Variants in PIN4 observed in about 807,000 individuals in gnomAD.
The protein encoded by PIN4 is peptidyl-prolyl cis-trans isomerase NIMA-interacting 4.
Under a neutral mutation model 8.3 loss-of-function variants are expected in PIN4, and 3 were observed. The observed-to-expected ratio is 0.36, with a 90% CI of 0.16 to 0.93. The LOEUF (loss-of-function observed/expected upper bound fraction) is 0.93, where lower values mean the gene tolerates loss of function less well. PIN4 is among the 40% of genes least tolerant of loss of function. The pLI is 0.44. For synonymous variants in PIN4, 18 were observed against 32.5 expected (o/e 0.55, Z 1.52); for missense variants, 75 against 100.6 (o/e 0.75, Z 1.09).
chrX:72,204,902 A>G (rs1229643270), intron 3 of PIN4: 2 of 674,051 alleles, frequency 3.0e-6, no homozygotes, highest in East Asian at 7.3e-5. Flanking sequence ...GCTTTTTGAG[A>G]TCTTTCTTGC....
rs142555019 is a variant in PIN4, at chrX:72,228,855, C to T, written c.312+31951C>T. 3.6e-3 allele frequency among the ~76,000 whole-genome samples: 401 copies of T among 111,320 alleles called. 2 individuals are homozygous for T. The highest frequency in any genetic ancestry group is 0.013 in the African/African-American group (383 of 30,592). ...AAACCTTACACAATCCCTCTTGCTG[C>T]GAACTAACTCTTCCTTTGCTCCTGA... On this transcript the variant is annotated intron_variant, in intron 3 of 3. Transcript: ENST00000423432.
chrX:72,245,026 C>G (rs770268956), intron 3 of PIN4, among the ~76,000 whole-genome samples: 1 of 77,584 alleles, frequency 1.3e-5, no homozygotes, highest in East Asian at 5.1e-4. Flanking sequence ...TAAGCAGAGT[C>G]ACACCACTGT....
At chrX:72,224,409 A>C (rs895994133) in intron 3 of PIN4, among the ~76,000 whole-genome samples, 3 of 110,929 alleles carry the variant, frequency 2.7e-5, no homozygotes, top group African/African-American at 9.9e-5. Context: ...ACCCTTACTT[A>C]TTATTATGTC....
chrX:72,211,699 G>A (rs771361150), intron 3 of PIN4, among the ~76,000 whole-genome samples: 3 of 110,449 alleles, frequency 2.7e-5, no homozygotes, highest in East Asian at 5.7e-4. Context: ...CAAGAAGTTC[G>A]CTTCAGCATG....
At chrX:72,232,142 A>AC (rs746438608) in intron 3 of PIN4, among the ~76,000 whole-genome samples, 2 of 110,213 alleles carry the variant, frequency 1.8e-5, no homozygotes, top group East Asian at 5.6e-4. Flanking sequence ...TTATAAATAA[A>AC]CCCAAAAACT....
downstream of PIN4, chrX:72,199,088 T>C (rs1486971682): frequency 9.7e-6 from 1 of 103,366 alleles, no homozygotes; most frequent in African/African-American, 3.8e-5. Context: ...TGTTATTGAT[T>C]GATTTTTTTT....
At chrX:72,209,512 C>A in intron 3 of PIN4, among the ~76,000 whole-genome samples, 1 of 112,011 alleles carries the variant, frequency 8.9e-6, no homozygotes, top group Non-Finnish European at 1.9e-5. Flanking sequence ...TGACCCCAAC[C>A]TAAATAGGAG....
At chrX:72,232,518 C>T (rs1056983797) in intron 3 of PIN4, among the ~76,000 whole-genome samples, 2 of 104,722 alleles carry the variant, frequency 1.9e-5, no homozygotes, top group African/African-American at 7.1e-5. Flanking sequence ...TAGAAAATCA[C>T]GACTTTGCAG....
At chrX:72,187,006 A>C (rs1334825146) in intron 2 of PIN4, among the ~76,000 whole-genome samples, 6 of 112,650 alleles carry the variant, frequency 5.3e-5, no homozygotes, top group African/African-American at 1.9e-4. Flanking sequence ...AATTCCCTTT[A>C]AATATTTTGT....
chrX:72,187,382 TAGTC>T (rs773791227), intron 2 of PIN4, among the ~76,000 whole-genome samples: 9 of 112,351 alleles, frequency 8.0e-5, no homozygotes, highest in Non-Finnish European at 1.5e-4. Context: ...TTCCATGTTT[TAGTC>T]AGGATATGGG....
intron 3 of PIN4, among the ~76,000 whole-genome samples, chrX:72,258,190 C>T (rs977872751): frequency 1.8e-5 from 2 of 111,870 alleles, no homozygotes; most frequent in African/African-American, 6.5e-5. Flanking sequence ...AACAGAGAGG[C>T]GTGAGGAGAT....
intron 3 of PIN4, among the ~76,000 whole-genome samples, chrX:72,215,067 A>C (rs927370163): frequency 8.9e-6 from 1 of 112,373 alleles, no homozygotes; most frequent in Non-Finnish European, 1.9e-5. Flanking sequence ...AGAACAAACT[A>C]CTACATGTAT....
intron 2 of PIN4, among the ~76,000 whole-genome samples, chrX:72,195,172 A>G (rs965269759): frequency 1.8e-5 from 2 of 112,330 alleles, no homozygotes; most frequent in African/African-American, 6.5e-5. Context: ...CGAAACAGCT[A>G]TCTTGACAAA....
chrX:72,246,892 G>A lies in PIN4; in HGVS notation c.313-15815G>A, dbSNP rs751500844. 4.5e-5 allele frequency among the ~76,000 whole-genome samples: 5 copies of A among 112,018 alleles called. No individual in the cohort carries two copies. In the East Asian group the frequency reaches 1.4e-3, roughly 31 times the overall value. On this transcript the variant is annotated intron_variant, in intron 3 of 3. Coordinates refer to the PIN4 transcript ENST00000423432. ...GCCTGGTTACCTGTCTGGCTCCCCC[G>A]TGATCATGTGAGCTCTGTGAAGAAC...
intron 3 of PIN4, among the ~76,000 whole-genome samples, chrX:72,221,585 C>T (rs2042923637): frequency 9.0e-6 from 1 of 111,462 alleles, no homozygotes; most frequent in South Asian, 3.8e-4. Flanking sequence ...ACTTGGCTTA[C>T]CGGGAAGCAT....
chrX:72,195,059 C>T (rs1015780646), intron 2 of PIN4, among the ~76,000 whole-genome samples: 1 of 111,865 alleles, frequency 8.9e-6, no homozygotes. Context: ...GTTATGTTTG[C>T]ACAAAAACAA....
chrX:72,240,563 C>A (rs1307150361), intron 3 of PIN4, among the ~76,000 whole-genome samples: 1 of 111,093 alleles, frequency 9.0e-6, no homozygotes, highest in Non-Finnish European at 1.9e-5. Flanking sequence ...AATCCCAGCA[C>A]TTTGGGAGGC....
chrX:72,244,382 C>G (rs1417956870), intron 3 of PIN4, among the ~76,000 whole-genome samples: 1 of 111,409 alleles, frequency 9.0e-6, no homozygotes, highest in African/African-American at 3.3e-5. Context: ...GTTAACCAAA[C>G]AAAAAGGGAA....
Position 72,189,058 on chromosome X carries a change from G to A in PIN4, c.117+2524G>A, listed in dbSNP as rs751052624. Among the ~76,000 whole-genome samples, 255 of 111,290 alleles carry A rather than the reference G, an allele frequency of 2.3e-3. 1 individual carries two copies. Among genetic ancestry groups the A allele is most frequent in the African/African-American group, 7.8e-3 (237 of 30,420 alleles). On this transcript the variant is annotated intron_variant, in intron 2 of 3. Transcript: ENST00000373669. ...TGTGTGCCTGTAGTCCCAGCTACTT[G>A]GGAGGCTGAGGTAGGAGGATTGTTT...
Sources: gnomAD v4.1 joint callset for allele counts (sites outside exome capture counted in the v4.1 genomes callset) on GRCh38, gnomAD v4.1.1 for gene constraint, MANE v1.5 for transcripts, NCBI Gene and HGNC (gene_info 2026-07-23, HGNC 2026-07-21) for gene names.